The following WWTR1 variants were observed in gnomAD, a reference collection of about 807,000 sequenced individuals.
The protein encoded by WWTR1 is WW domain-containing transcription regulator protein 1.
WWTR1 carries 13 observed loss-of-function variants against 40.1 expected under a neutral mutation model. The ratio of observed to expected loss-of-function variants is 0.32; its 90% confidence interval spans 0.21 to 0.52. WWTR1 has a LOEUF of 0.52. Ranked by LOEUF, WWTR1 falls within the 20% of genes least tolerant of loss-of-function variation. The pLI, the probability that WWTR1 is intolerant of heterozygous loss-of-function variation, is 0.97. For synonymous variants in WWTR1, 230 were observed against 210.1 expected, an observed-to-expected ratio of 1.09 and a Z score of -0.82; for missense variants, 436 against 523.1, an observed-to-expected ratio of 0.83 and a Z score of 1.63.
intron 1 of WWTR1, among the ~76,000 whole-genome samples, chr3:149,693,082 C>T (rs1714875462): frequency 6.6e-6 from 1 of 152,040 alleles, no homozygotes; most frequent in Non-Finnish European, 1.5e-5. Context: ...TTTGGAAAAA[C>T]CTAAAGACTC....
chr3:149,539,501 C>T (rs187377189), intron 4 of WWTR1, among the ~76,000 whole-genome samples: 76 of 152,280 alleles, frequency 5.0e-4, no homozygotes, highest in African/African-American at 1.8e-3. Flanking sequence ...ACAATTAAGG[C>T]CGCCTACAAG....
chr3:149,539,609 A>T (rs1160010915), intron 4 of WWTR1, among the ~76,000 whole-genome samples: 1 of 152,236 alleles, frequency 6.6e-6, no homozygotes, highest in East Asian at 1.9e-4. Context: ...CAGAGAGAAC[A>T]AACAGAAGTG....
chr3:149,618,250 G>A (rs1740099205), intron 2 of WWTR1, among the ~76,000 whole-genome samples: 1 of 152,166 alleles, frequency 6.6e-6, no homozygotes, highest in South Asian at 2.1e-4. Flanking sequence ...CCAACAAGCT[G>A]CCTGCCCAGG....
intron 5 of WWTR1, among the ~76,000 whole-genome samples, chr3:149,713,376 A>ATT (rs150701410): frequency 6.6e-6 from 1 of 151,296 alleles, no homozygotes; most frequent in African/African-American, 2.4e-5. Flanking sequence ...TAATTTATTT[A>ATT]TTTTTTTTGT....
At chr3:149,603,372 C>T (rs1362507155) in intron 2 of WWTR1, among the ~76,000 whole-genome samples, 3 of 152,174 alleles carry the variant, frequency 2.0e-5, no homozygotes, top group Admixed American at 6.5e-5. Flanking sequence ...ACAGGCTTCA[C>T]AAGGAATTTT....
At chr3:149,617,921 C>G (rs1476668283) in intron 2 of WWTR1, among the ~76,000 whole-genome samples, 3 of 151,144 alleles carry the variant, frequency 2.0e-5, no homozygotes, top group African/African-American at 7.4e-5. Flanking sequence ...AATATTCCAC[C>G]ATTGGCTAAA....
At chr3:149,617,697 G>A (rs577647411) in intron 2 of WWTR1, among the ~76,000 whole-genome samples, 157 of 152,310 alleles carry the variant, frequency 1.0e-3, no homozygotes, top group African/African-American at 3.6e-3. Flanking sequence ...CTACTTGGGA[G>A]GCTGAGGCAG....
rs1715567329 is a variant in WWTR1, at chr3:149,714,932, C to T, written n.584+2510G>A. On this transcript the variant is annotated intron_variant and non_coding_transcript_variant, in intron 5 of 6. Transcript: ENST00000474080. ...GACAGGGAGACAAGGTGATGACCAG[C>T]TGCAGAGAGGAGCCGAGGAGATGGT... 3.9e-5 allele frequency among the ~76,000 whole-genome samples: 6 copies of T among 152,112 alleles called. 1 individual carries two copies. Among genetic ancestry groups the T allele is most frequent in the Admixed American group, 2.0e-4 (3 of 15,284 alleles).
At chr3:149,647,131 T>C (rs1712576186) in intron 2 of WWTR1, among the ~76,000 whole-genome samples, 1 of 152,102 alleles carries the variant, frequency 6.6e-6, no homozygotes, top group Non-Finnish European at 1.5e-5. Flanking sequence ...CATTGATACA[T>C]GCATGCTTGT....
intron 1 of WWTR1, among the ~76,000 whole-genome samples, chr3:149,673,215 T>C (rs1032502470): frequency 2.0e-5 from 3 of 152,060 alleles, no homozygotes; most frequent in Non-Finnish European, 4.4e-5. Flanking sequence ...GTCTCTGTTT[T>C]TTAAAAAAAA....
chr3:149,601,046 CA>C (rs1314053001), intron 2 of WWTR1, among the ~76,000 whole-genome samples: 2 of 152,102 alleles, frequency 1.3e-5, no homozygotes, highest in Admixed American at 1.3e-4. Context: ...AATTTGTGAC[CA>C]AAATTAATGA....
chr3:149,606,689 T>C (rs1394240469), intron 2 of WWTR1, among the ~76,000 whole-genome samples: 1 of 152,190 alleles, frequency 6.6e-6, no homozygotes, highest in African/African-American at 2.4e-5. Context: ...TCTTGTCAGA[T>C]AATGACATAA....
At chr3:149,617,576 G>A (rs183267129) in intron 2 of WWTR1, among the ~76,000 whole-genome samples, 249 of 152,316 alleles carry the variant, frequency 1.6e-3, no homozygotes, top group Non-Finnish European at 2.3e-3. Flanking sequence ...AAGGCAGGGG[G>A]ATTACCTGAG....
intron 2 of WWTR1, among the ~76,000 whole-genome samples, chr3:149,653,424 C>G (rs917952480): frequency 6.6e-6 from 1 of 152,158 alleles, no homozygotes; most frequent in African/African-American, 2.4e-5. Flanking sequence ...ATCTGCTTCA[C>G]TGTTACTCTA....
chr3:149,704,366 CA>C, upstream of WWTR1, among the ~76,000 whole-genome samples: 1 of 152,268 alleles, frequency 6.6e-6, no homozygotes, highest in Non-Finnish European at 1.5e-5. Flanking sequence ...AACCAAGAAG[CA>C]AGCCATTTCC....
chr3:149,660,920 C>T (rs1358656410), upstream of WWTR1, among the ~76,000 whole-genome samples: 1 of 152,234 alleles, frequency 6.6e-6, no homozygotes, highest in Non-Finnish European at 1.5e-5. Flanking sequence ...CTCTCTGCTG[C>T]GTTGCTGCCT....
At chr3:149,587,302 GA>G (rs1738472558) in intron 2 of WWTR1, among the ~76,000 whole-genome samples, 1 of 151,890 alleles carries the variant, frequency 6.6e-6, no homozygotes, top group Non-Finnish European at 1.5e-5. Flanking sequence ...AGGGTAAAAA[GA>G]AAAAAGTTTG....
intron 4 of WWTR1, chr3:149,540,392 C>A (rs942629494): frequency 1.5e-5 from 6 of 411,744 alleles, no homozygotes; most frequent in African/African-American, 1.2e-4. Flanking sequence ...GAAATACTTT[C>A]TGTGGGAAAG....
In WWTR1 at chr3:149,520,690, A is replaced by G. The variant is rs956318082; in HGVS notation, c.*115T>C. On this transcript the variant is annotated 3_prime_UTR_variant, in exon 7 of 7. Coordinates refer to ENST00000360632, the MANE Select transcript of WWTR1 (RefSeq NM_015472.6). ...ACTGGCAACATAAAAAGGAGGGAGC[A>G]CGAGTCATGGAGGCGGGAAGTGGTG... 2.1e-6 allele frequency: 2 copies of G among 964,620 alleles called. No homozygotes were observed. Among genetic ancestry groups the G allele is most frequent in the Non-Finnish European group, 2.9e-6 (2 of 690,134 alleles). The allele number at this position is 964,620 out of a possible 1,614,324, so 59.8% of individuals were successfully genotyped here. A position where few individuals can be genotyped will look rare whatever the true frequency, so the allele number is the denominator to read the frequency against.
Sources: gnomAD v4.1 joint callset for allele counts (sites outside exome capture counted in the v4.1 genomes callset) on GRCh38, gnomAD v4.1.1 for gene constraint, MANE v1.5 for transcripts, NCBI Gene and HGNC (gene_info 2026-07-23, HGNC 2026-07-21) for gene names.